ACTMAP: variants seen among roughly 807,000 people sequenced by gnomAD.
The protein encoded by ACTMAP is actin maturation protease.
the ACTMAP span, among the ~76,000 whole-genome samples, chr19:40,749,070 A>G: frequency 3.4e-5 from 5 of 145,642 alleles, no homozygotes; most frequent in African/African-American, 1.3e-4. Context: ...GGCTCACTGC[A>G]ACCTCTGCCT....
At chr19:40,741,592 G>A in the ACTMAP span, 1 of 392,552 alleles carries the variant, frequency 2.5e-6, no homozygotes, top group Admixed American at 2.7e-5. Context: ...CTCACTAGAA[G>A]TTTGTATAAG....
the ACTMAP span, chr19:40,742,812 A>C: frequency 6.5e-7 from 1 of 1,547,330 alleles, no homozygotes; most frequent in South Asian, 1.2e-5. Context: ...TGACTGAGCC[A>C]GGACCAGGTG....
the ACTMAP span, chr19:40,742,912 T>C: frequency 1.2e-6 from 1 of 834,022 alleles, no homozygotes; most frequent in Non-Finnish European, 1.8e-6. Flanking sequence ...TGGTGGCCAG[T>C]GGGTTGGGAT....
At chr19:40,750,297 G>A in the ACTMAP span, 2 of 152,410 alleles carry the variant, frequency 1.3e-5, no homozygotes, top group Non-Finnish European at 2.9e-5. Flanking sequence ...TTGAGTCAGA[G>A]GTCAAGAGGT....
the ACTMAP span, chr19:40,749,366 C>A: frequency 1.9e-6 from 2 of 1,074,942 alleles, no homozygotes; most frequent in Non-Finnish European, 1.3e-6. Context: ...AGGTGGGGGA[C>A]CTAAGTAGTC....
At chr19:40,744,774 G>A in the ACTMAP span, 1 of 1,472,870 alleles carries the variant, frequency 6.8e-7, no homozygotes, top group Non-Finnish European at 9.0e-7. Flanking sequence ...TGCCCTGGAG[G>A]AGTCCCCCTC....
chr19:40,742,255 C>CA, the ACTMAP span: 515 of 748,348 alleles, frequency 6.9e-4, 6 homozygotes, highest in East Asian at 0.013. Context: ...GGGCTGTTGT[C>CA]AATCTCTCCC....
At chr19:40,745,125 C>T in the ACTMAP span, 1 of 1,551,894 alleles carries the variant, frequency 6.4e-7, no homozygotes, top group Non-Finnish European at 8.7e-7. Context: ...CATCAGGGCA[C>T]ATACTGAGGG....
chr19:40,748,353 T>C, the ACTMAP span, among the ~76,000 whole-genome samples: 8 of 151,406 alleles, frequency 5.3e-5, no homozygotes, highest in Admixed American at 2.0e-4. Context: ...CACTCCAGCC[T>C]GGATGAAAGA....
At chr19:40,749,295 C>G in the ACTMAP span, among the ~76,000 whole-genome samples, 1 of 152,154 alleles carries the variant, frequency 6.6e-6, no homozygotes. Flanking sequence ...CCGGACTGGA[C>G]TGGGCACTTG....
the ACTMAP span, among the ~76,000 whole-genome samples, chr19:40,747,126 C>G: frequency 6.6e-6 from 1 of 151,880 alleles, no homozygotes; most frequent in Non-Finnish European, 1.5e-5. Flanking sequence ...TATTCCTATT[C>G]CAAGGCTGGT....
the ACTMAP span, chr19:40,744,568 T>C: frequency 6.2e-7 from 1 of 1,613,468 alleles, no homozygotes; most frequent in Non-Finnish European, 8.5e-7. Flanking sequence ...CCTGAGAACA[T>C]CTCTCCCTGG....
At chr19:40,743,007 G>A in the ACTMAP span, among the ~76,000 whole-genome samples, 135 of 152,232 alleles carry the variant, frequency 8.9e-4, 2 homozygotes, top group African/African-American at 2.9e-3. Flanking sequence ...GAGGTGGGGA[G>A]GCAGCATGAG....
the ACTMAP span, among the ~76,000 whole-genome samples, chr19:40,749,015 G>C: frequency 7.6e-6 from 1 of 131,404 alleles, no homozygotes; most frequent in Admixed American, 8.6e-5. Flanking sequence ...TTTTGAGACA[G>C]AGTCTTGCTC....
At chr19:40,742,485 G>A in the ACTMAP span, 6 of 1,499,544 alleles carry the variant, frequency 4.0e-6, no homozygotes, top group South Asian at 6.7e-5. Context: ...ACAGAGGCCA[G>A]CCCGTACCCC....
the ACTMAP span, chr19:40,743,893 G>A: frequency 6.2e-7 from 1 of 1,613,778 alleles, no homozygotes; most frequent in East Asian, 2.2e-5. Flanking sequence ...AGACAAAGGA[G>A]GGGGAACCCA....
the ACTMAP span, among the ~76,000 whole-genome samples, chr19:40,748,335 C>T: frequency 3.3e-5 from 5 of 151,372 alleles, no homozygotes; most frequent in East Asian, 7.8e-4. Flanking sequence ...TGGTGGTGGG[C>T]GCCAGTTCAC....
At chr19:40,747,581 G>C in the ACTMAP span, among the ~76,000 whole-genome samples, 3 of 152,122 alleles carry the variant, frequency 2.0e-5, no homozygotes, top group South Asian at 2.1e-4. Context: ...CAGGCTGGGT[G>C]CGGTGGCTAA....
chr19:40,749,411 C>T, the ACTMAP span: 1 of 1,426,324 alleles, frequency 7.0e-7, no homozygotes, highest in Non-Finnish European at 9.5e-7. Context: ...GGAACCCCCC[C>T]CCCACCCCAA....
Sources: gnomAD v4.1 joint callset for allele counts (sites outside exome capture counted in the v4.1 genomes callset) on GRCh38, gnomAD v4.1.1 for gene constraint, MANE v1.5 for transcripts, NCBI Gene and HGNC (gene_info 2026-07-23, HGNC 2026-07-21) for gene names.